KDM6A: variants seen among roughly 807,000 people sequenced by gnomAD.
KDM6A encodes the protein lysine demethylase 6A.
A neutral mutation model predicts 117.6 loss-of-function variants in KDM6A; 11 were observed. The ratio of observed to expected loss-of-function variants is 0.09; its 90% CI spans 0.06 to 0.15. The LOEUF is 0.15. KDM6A is among the 10% of genes least tolerant of loss of function. KDM6A has a pLI of 1.00. For missense variants in KDM6A, 799 were observed against 1,077.3 expected, an observed-to-expected ratio of 0.74 and a Z score of 3.62; for synonymous variants, 384 against 396.1, an observed-to-expected ratio of 0.97 and a Z score of 0.36.
chrX:45,009,533 C>G (rs751451084), intron 4 of KDM6A, among the ~76,000 whole-genome samples: 10 of 111,476 alleles, frequency 9.0e-5, no homozygotes, highest in Non-Finnish European at 1.9e-4. Flanking sequence ...CTAAGAATGC[C>G]TAACCTCCTG....
rs777749695 is a variant in KDM6A, at chrX:45,098,481, A to G, written c.4034+7617A>G. On this transcript the variant is annotated intron_variant, in intron 27 of 29. Transcript: ENST00000611820. ...ACTTTGGCTTGGGCCAGACAGTGGA[A>G]CATTTGTGCTTGTTGTTGAAACTGG... Among the ~76,000 whole-genome samples the G allele has an allele frequency of 1.4e-4, 16 of 112,943 alleles. No individual in the cohort carries two copies. In the South Asian group the frequency reaches 5.0e-3, roughly 36 times the overall value.
At chrX:44,928,993 C>T (rs2036465110) in intron 2 of KDM6A, among the ~76,000 whole-genome samples, 1 of 110,959 alleles carries the variant, frequency 9.0e-6, no homozygotes. Context: ...TGCAGTGGCG[C>T]GAACTTGGCT....
chrX:45,003,269 G>A (rs772472180), intron 4 of KDM6A, among the ~76,000 whole-genome samples: 2 of 110,729 alleles, frequency 1.8e-5, no homozygotes, highest in South Asian at 3.8e-4. Flanking sequence ...ACTGTCTATC[G>A]TCCTGTCCTG....
At chrX:45,011,139 C>T in intron 5 of KDM6A, 120 bp downstream of exon 5, 1 of 512,203 alleles carries the variant, frequency 2.0e-6, no homozygotes, top group East Asian at 3.6e-5. Flanking sequence ...TGTCATTAAA[C>T]CTACACTTTT....
At chrX:45,063,398 A>G (rs369729587) in intron 16 of KDM6A, 24 bp from the exon 17 acceptor site, 23 of 1,192,689 alleles carry the variant, frequency 1.9e-5, no homozygotes, top group Non-Finnish European at 2.5e-5. Flanking sequence ...ACCAGCATTT[A>G]CTTTTCCTTT....
chrX:45,047,509 C>A (rs1172103244), intron 8 of KDM6A, among the ~76,000 whole-genome samples: 2 of 105,117 alleles, frequency 1.9e-5, no homozygotes, highest in African/African-American at 6.9e-5. Flanking sequence ...ATCTGCTATT[C>A]AATCCATATA....
chrX:45,025,122 A>G (rs931232139), intron 6 of KDM6A, among the ~76,000 whole-genome samples: 1 of 111,636 alleles, frequency 9.0e-6, no homozygotes, highest in Non-Finnish European at 1.9e-5. Context: ...AATATCCCCT[A>G]AGGTGGGTTT....
intron 2 of KDM6A, among the ~76,000 whole-genome samples, chrX:44,878,601 G>A (rs961388867): frequency 1.6e-4 from 18 of 111,902 alleles, no homozygotes; most frequent in African/African-American, 4.9e-4. Context: ...TAGAACTGCA[G>A]CAATACATAA....
rs187640151 is a variant in KDM6A, at chrX:44,918,881, G to C, written c.226-42403G>C. Among the ~76,000 whole-genome samples the C allele has an allele frequency of 4.6e-4, 51 of 111,702 alleles. 1 individual carries two copies. The highest frequency in any genetic ancestry group is 4.7e-3 in the Middle Eastern group (1 of 215). ...ATGCTTACATTTTTCATGTTTACAA[G>C]TTTTACATGTTTACAAGTTTACAGT... is the stretch of plus-strand genomic sequence containing the variant. On this transcript the variant is annotated intron_variant, in intron 2 of 29. Transcript: ENST00000611820.
chrX:45,004,042 C>A (rs763337894), intron 4 of KDM6A, among the ~76,000 whole-genome samples: 2 of 110,512 alleles, frequency 1.8e-5, no homozygotes, highest in African/African-American at 3.3e-5. Flanking sequence ...AGAGACAGAG[C>A]CCCTGACCTC....
At chrX:45,004,775 C>T (rs973785363) in intron 4 of KDM6A, among the ~76,000 whole-genome samples, 1 of 111,285 alleles carries the variant, frequency 9.0e-6, no homozygotes, top group Non-Finnish European at 1.9e-5. Context: ...TTCTGGTCCG[C>T]GGTAGGAACG....
At chrX:44,904,914 G>A (rs1207794008) in intron 2 of KDM6A, among the ~76,000 whole-genome samples, 1 of 111,791 alleles carries the variant, frequency 8.9e-6, no homozygotes, top group African/African-American at 3.3e-5. Context: ...CCTTTGATTC[G>A]TTTCCAGAGT....
In KDM6A at chrX:44,876,259, T is replaced by G. The variant is rs548447657; in HGVS notation, c.225+2272T>G. Reference sequence around the variant, plus strand: ...CATATAGTTCTTGGTTGCATCTTTGTGAGCCTGAACATACCAGTGGGGTGT... The same window carrying G: ...CATATAGTTCTTGGTTGCATCTTTGGGAGCCTGAACATACCAGTGGGGTGT... On this transcript the variant is annotated intron_variant, in intron 2 of 29. Coordinates refer to ENST00000611820, the MANE Select transcript of KDM6A (RefSeq NM_001291415.2). Among the ~76,000 whole-genome samples the G allele has an allele frequency of 1.2e-4, 13 of 111,634 alleles. No homozygotes were observed. The South Asian group carries it at 4.9e-3, about 42-fold the overall frequency.
At chrX:45,094,935 G>A (rs964357190) in intron 27 of KDM6A, among the ~76,000 whole-genome samples, 4 of 111,148 alleles carry the variant, frequency 3.6e-5, no homozygotes, top group African/African-American at 1.3e-4. Context: ...ATTATGCTTT[G>A]TGTACCAAAC....
intron 3 of KDM6A, among the ~76,000 whole-genome samples, chrX:44,970,543 T>G (rs1462192480): frequency 9.0e-6 from 1 of 111,322 alleles, no homozygotes; most frequent in Non-Finnish European, 1.9e-5. Flanking sequence ...GAGAATTTTA[T>G]GAAGCCAGAT....
chrX:45,106,014 G>A (rs1358049783), intron 27 of KDM6A, among the ~76,000 whole-genome samples: 3 of 107,666 alleles, frequency 2.8e-5, no homozygotes, highest in Non-Finnish European at 3.8e-5. Flanking sequence ...ATTCCCCCCC[G>A]CCCCTTCCCC....
At chrX:45,056,322 C>T (rs1056876088) in intron 10 of KDM6A, among the ~76,000 whole-genome samples, 1 of 111,736 alleles carries the variant, frequency 8.9e-6, no homozygotes, top group African/African-American at 3.2e-5. Context: ...GTTTTTAAAG[C>T]TCCAAATGAA....
At chrX:45,016,244 A>G (rs2041953536) in intron 5 of KDM6A, among the ~76,000 whole-genome samples, 1 of 111,311 alleles carries the variant, frequency 9.0e-6, no homozygotes. Flanking sequence ...AAATGTTTCT[A>G]ATTATTTAGA....
At position 45,099,327 on chromosome X, in the gene KDM6A, A is replaced by G. The variant is rs533023905; in HGVS notation, c.4035-8083A>G. 1.0e-4 allele frequency among the ~76,000 whole-genome samples: 11 copies of G among 107,212 alleles called. No individual in the cohort carries two copies. In the South Asian group the frequency reaches 4.1e-3, roughly 40 times the overall value. 93.1% of individuals were successfully genotyped at this position (107,212 alleles called of 115,157 possible). A position where few individuals can be genotyped will look rare whatever the true frequency, so the allele number is the denominator to read the frequency against. Reference sequence around the variant, plus strand: ...TTTTTTTAAGCACTTGCCTCTCCCTATTGAATTAAGGTTCACATTTAATTG... The same window carrying G: ...TTTTTTTAAGCACTTGCCTCTCCCTGTTGAATTAAGGTTCACATTTAATTG... On this transcript the variant is annotated intron_variant, in intron 27 of 29. Transcript: ENST00000611820.
Sources: gnomAD v4.1 joint callset for allele counts (sites outside exome capture counted in the v4.1 genomes callset) on GRCh38, gnomAD v4.1.1 for gene constraint, MANE v1.5 for transcripts, NCBI Gene and HGNC (gene_info 2026-07-23, HGNC 2026-07-21) for gene names.